The following ITGB4 variants were observed in gnomAD, a reference collection of about 807,000 sequenced individuals.
The protein encoded by ITGB4 is integrin beta-4.
ITGB4 carries 159 observed loss-of-function variants against 207.6 expected under a neutral mutation model. The ratio of observed to expected loss-of-function variants is 0.77; its 90% confidence interval spans 0.67 to 0.87. The LOEUF (loss-of-function observed/expected upper bound fraction) is 0.87. ITGB4 is among the 40% of genes least tolerant of loss of function. The pLI, the probability that ITGB4 is intolerant of heterozygous loss-of-function variation, is 0.00. For missense variants in ITGB4, 2,278 were observed against 2,546.8 expected, an observed-to-expected ratio of 0.89 and a Z score of 2.27; for synonymous variants, 1,020 against 1,062.7, an observed-to-expected ratio of 0.96 and a Z score of 0.78.
At position 75,729,485 on chromosome 17, in the gene ITGB4, C is replaced by T. The variant is rs761827608; in HGVS notation, c.738+49C>T. ...CAGCCTAGGCCAGGGGTGAGCACTT[C>T]TGGGCAAGGGCCTGAGCTGCCCCCT... On this transcript the variant is annotated intron_variant, in intron 7 of 39. Transcript: ENST00000200181. This position sits in a 1 kb window ranked among gnomAD's most constrained non-coding sequence, Gnocchi z 4.4. 6 of 1,592,408 alleles carry T rather than the reference C, an allele frequency of 3.8e-6. No homozygotes were observed. In the South Asian group the frequency reaches 4.5e-5, roughly 12 times the overall value.
rs1463125335 is a variant in ITGB4 at position 75,732,987 on chromosome 17, C to T, written c.1455-503C>T. 6.6e-6 allele frequency among the ~76,000 whole-genome samples: 1 copy of T among 152,080 alleles called. No individual in the cohort carries two copies. The highest frequency in any genetic ancestry group is 2.4e-5 in the African/African-American group (1 of 41,398). ...CCTGTAATCCCAGCTACTCGGGAGG[C>T]TGAGGCAGAATTGCTTGCACCTAGA... On this transcript the variant is annotated intron_variant, in intron 12 of 39. Coordinates refer to ENST00000200181, the MANE Select transcript of ITGB4 (RefSeq NM_000213.5). This position sits in a 1 kb window ranked among gnomAD's most constrained non-coding sequence, Gnocchi z 5.3.
chr17:75,750,744 C>T lies in ITGB4; in HGVS notation c.3539C>T (p.Ser1180Leu), dbSNP rs772115625. The T allele has an allele frequency of 3.7e-6, 6 of 1,613,444 alleles. No homozygotes were observed. Among genetic ancestry groups the T allele is most frequent in the Non-Finnish European group, 4.2e-6 (5 of 1,180,012 alleles). Reference sequence around the variant, plus strand: ...CACCTGCTCGACAGCAAGGTGCCCTCAGTGGAGCTCACCAACCTGTACCCG... The same window carrying T: ...CACCTGCTCGACAGCAAGGTGCCCTTAGTGGAGCTCACCAACCTGTACCCG... ...EAHLLDSKVPSVELTNLYPYC... is the reference protein window; with the variant it reads ...EAHLLDSKVPLVELTNLYPYC... The change falls in exon 29 of 40, where the codon TCA becomes TTA. Residue 1180 changes from serine to leucine, a missense_variant. Physicochemically the swap from Ser to Leu is moderately radical, Grantham distance 145. Coordinates refer to ENST00000200181, the MANE Select transcript of ITGB4 (RefSeq NM_000213.5). This position sits in a 1 kb window ranked among gnomAD's most constrained non-coding sequence, Gnocchi z 5.5.
In ITGB4 at chr17:75,757,369, G is replaced by A. The variant is rs772185592; in HGVS notation, c.5330-47G>A. ...CTGGGACAGGGAGCTAGCAGAGGGA[G>A]AAGGGCAGACCCCAAGCCAGGTCAT... On this transcript the variant is annotated intron_variant, in intron 39 of 39. Coordinates refer to ENST00000200181, the MANE Select transcript of ITGB4 (RefSeq NM_000213.5). 8.4e-5 allele frequency: 135 copies of A among 1,612,798 alleles called. No individual in the cohort carries two copies. In the Admixed American group the frequency reaches 2.2e-3, roughly 27 times the overall value.
rs766003835 is a variant in ITGB4, at chr17:75,757,421, C to T, written c.5335C>T (p.Leu1779=). 1 of 1,613,180 alleles carries T rather than the reference C, an allele frequency of 6.2e-7. No individual in the cohort carries two copies. Among genetic ancestry groups the T allele is most frequent in the South Asian group, 1.1e-5 (1 of 91,086 alleles). Residue 1779 remains leucine (L), a synonymous_variant, in exon 40 of 40, where the codon CTG becomes TTG. Coordinates refer to ENST00000200181, the MANE Select transcript of ITGB4 (RefSeq NM_000213.5). ...SATEPFLVDG[L]TLGAQHLEAG... ...TAATGCCTCCTCCTCCACAGATGGG[C>T]TGACCCTGGGGGCCCAGCACCTGGA...
chr17:75,747,164 A>G (rs2061250784), intron 26 of ITGB4, among the ~76,000 whole-genome samples: 1 of 152,086 alleles, frequency 6.6e-6, no homozygotes, highest in South Asian at 2.1e-4. Context: ...CTTCACATTG[A>G]TTATACTAGT....
In ITGB4 at chr17:75,733,622, C is replaced by G. The variant is rs2060911708; in HGVS notation, c.1587C>G (p.Gly529=). 1 of 1,614,152 alleles carries G rather than the reference C, an allele frequency of 6.2e-7. No homozygotes were observed. The highest frequency in any genetic ancestry group is 2.2e-5 in the East Asian group (1 of 44,892). ...GGCACTGTGTGTGCTACGGCGAAGG[C>G]CGCTACGAGGGTCAGTTCTGCGAGT... The part of the protein sequence containing the change: ...QCGHCVCYGE[G]RYEGQFCEYD... The change falls in exon 13 of 40, where the codon GGC becomes GGG. Residue 529 remains glycine, a synonymous_variant. Coordinates refer to ENST00000200181, the MANE Select transcript of ITGB4 (RefSeq NM_000213.5).
At chr17:75,734,742 G>C (rs909174272) in intron 13 of ITGB4, among the ~76,000 whole-genome samples, 14 of 152,184 alleles carry the variant, frequency 9.2e-5, no homozygotes, top group Non-Finnish European at 2.1e-4. Flanking sequence ...GTCTGTCCCT[G>C]AGTGTGCTCA....
In ITGB4 at chr17:75,730,900, C is replaced by T. The variant is rs1202091456; in HGVS notation, c.1028C>T (p.Ser343Phe). The T allele has an allele frequency of 6.2e-7, 1 of 1,613,682 alleles. No individual in the cohort carries two copies. Among genetic ancestry groups the T allele is most frequent in the East Asian group, 2.2e-5 (1 of 44,896 alleles). Residue 343 changes from serine (S) to phenylalanine (F), a missense_variant, in exon 9 of 40, where the codon TCC (serine) becomes TTC (phenylalanine). Physicochemically the swap from Ser to Phe is radical, Grantham distance 155. Coordinates refer to ENST00000200181, the MANE Select transcript of ITGB4 (RefSeq NM_000213.5). ...AAGCTTCACACCTATTTCCCTGTCT[C>T]CTCACTGGGGGTGCTGCAGGAGGAC... ...YEKLHTYFPV[S>F]SLGVLQEDSS...
At chr17:75,725,550 G>C (rs2060701589) in intron 2 of ITGB4, among the ~76,000 whole-genome samples, 1 of 152,140 alleles carries the variant, frequency 6.6e-6, no homozygotes, top group African/African-American at 2.4e-5. Flanking sequence ...CTGAGCTTAA[G>C]CAATCTTCCT....
At chr17:75,738,767 C>T (rs79520910) in intron 18 of ITGB4, among the ~76,000 whole-genome samples, 1 of 152,316 alleles carries the variant, frequency 6.6e-6, no homozygotes, top group East Asian at 1.9e-4. Flanking sequence ...CGTAGTAACC[C>T]CCAGTGTTGT....
chr17:75,726,304 T>C (rs2060715367), intron 2 of ITGB4, among the ~76,000 whole-genome samples: 1 of 151,960 alleles, frequency 6.6e-6, no homozygotes. Context: ...AAATAAAAAA[T>C]TAGCTGGGCT....
chr17:75,740,469 C>A lies in ITGB4; in HGVS notation c.2550+8C>A. On this transcript the variant is annotated splice_region_variant and intron_variant, in intron 21 of 39. Transcript: ENST00000200181. The surrounding 1 kb of genome is among the most constrained non-coding windows in gnomAD (Gnocchi z 5.9). The stretch of plus-strand genomic sequence containing the variant: ...CAGGAGGTGGAGGAGAACGTAAGGA[C>A]CCAGGAACTAGGCCTGGCCGGAGAT... 3 of 1,610,432 alleles carry A rather than the reference C, an allele frequency of 1.9e-6. No individual in the cohort carries two copies. The highest frequency in any genetic ancestry group is 2.5e-6 in the Non-Finnish European group (3 of 1,177,300).
intron 18 of ITGB4, among the ~76,000 whole-genome samples, chr17:75,738,886 G>A (rs1267008836): frequency 6.6e-6 from 1 of 152,176 alleles, no homozygotes; most frequent in Non-Finnish European, 1.5e-5. Context: ...GCTGAGGCAG[G>A]AGGATCACGA....
chr17:75,740,062 A>T lies in ITGB4; in HGVS notation c.2437A>T (p.Thr813Ser). The change falls in exon 20 of 40, where the codon ACA becomes TCA. Residue 813 changes from threonine (T) to serine (S), a missense_variant. Thr to Ser is a moderately conservative substitution (Grantham distance 58, BLOSUM62 1). Transcript: ENST00000200181. The surrounding 1 kb of genome is among the most constrained non-coding windows in gnomAD (Gnocchi z 5.9). ...FATHAASINP[T>S]ELVPYGLSLR... ...CACTCATGCCGCCAGCATCAACCCC[A>T]CAGAGCTGGGTGAGGGCGGGGCTGG... 6.2e-7 allele frequency: 1 copy of T among 1,611,976 alleles called. No individual in the cohort carries two copies. Among genetic ancestry groups the T allele is most frequent in the East Asian group, 2.2e-5 (1 of 44,862 alleles).
Position 75,750,671 on chromosome 17 carries a change from TG to T in ITGB4, c.3475-4del, listed in dbSNP as rs754596808. ...CCCTGCTGACCAGGACCCCTGTCCC[TG>T]GGGGTAGGTAAAGTACTGGATTCAG... On this transcript the variant is annotated splice_polypyrimidine_tract_variant and splice_region_variant and intron_variant, in intron 28 of 39. Transcript: ENST00000200181. This position sits in a 1 kb window ranked among gnomAD's most constrained non-coding sequence, Gnocchi z 5.5. The T allele has an allele frequency of 2.5e-6, 4 of 1,612,656 alleles. No homozygotes were observed. Among genetic ancestry groups the T allele is most frequent in the Non-Finnish European group, 2.5e-6 (3 of 1,179,816 alleles).
At position 75,728,357 on chromosome 17, in the gene ITGB4, T is replaced by A. The variant is rs1266278614; in HGVS notation, c.470-20T>A. 4.3e-6 allele frequency: 7 copies of A among 1,611,546 alleles called. No homozygotes were observed. The highest frequency in any genetic ancestry group is 5.9e-6 in the Non-Finnish European group (7 of 1,177,640). ...GGCATCAGGGCTCAGCTATCCCCTC[T>A]CTGTCCTTTTGACATCCAGCTCGGG... On this transcript the variant is annotated intron_variant, in intron 5 of 39. Coordinates refer to ENST00000200181, the MANE Select transcript of ITGB4 (RefSeq NM_000213.5).
At position 75,727,146 on chromosome 17, in the gene ITGB4, G is replaced by A. The variant is rs1197797536; in HGVS notation, c.80-49G>A. On this transcript the variant is annotated intron_variant, in intron 2 of 39. Coordinates refer to ENST00000200181, the MANE Select transcript of ITGB4 (RefSeq NM_000213.5). This position sits in a 1 kb window ranked among gnomAD's most constrained non-coding sequence, Gnocchi z 6.0. Reference sequence around the variant, plus strand: ...TGAAGGTGCAGGTGGGAAAGTGCTTGCCTTTGCTGAGCGCCTCCCCATTCA... The same window carrying A: ...TGAAGGTGCAGGTGGGAAAGTGCTTACCTTTGCTGAGCGCCTCCCCATTCA... The A allele has an allele frequency of 6.6e-7, 1 of 1,513,086 alleles. No individual in the cohort carries two copies. Among genetic ancestry groups the A allele is most frequent in the Non-Finnish European group, 9.2e-7 (1 of 1,091,920 alleles). 93.7% of individuals were successfully genotyped at this position (1,513,086 alleles called of 1,614,324 possible). A position where few individuals can be genotyped will look rare whatever the true frequency, so the allele number is the denominator to read the frequency against.
chr17:75,729,453 G>A lies in ITGB4; in HGVS notation c.738+17G>A, dbSNP rs771906597. The A allele has an allele frequency of 6.2e-7, 1 of 1,612,706 alleles. No individual in the cohort carries two copies. The highest frequency in any genetic ancestry group is 1.7e-5 in the Admixed American group (1 of 59,968). ...GTGTGCACGGTGGGCACTGGGAAGG[G>A]TGCTGCCAGCCTAGGCCAGGGGTGA... On this transcript the variant is annotated intron_variant, in intron 7 of 39. Transcript: ENST00000200181. The surrounding 1 kb of genome is among the most constrained non-coding windows in gnomAD (Gnocchi z 4.4).
chr17:75,751,607 G>A, intron 30 of ITGB4: 1 of 230,646 alleles, frequency 4.3e-6, no homozygotes, highest in South Asian at 5.8e-5. Context: ...CAGGCATGGT[G>A]GCTCATGCCT....
Sources: allele counts gnomAD v4.1 joint callset (sites outside exome capture counted in the v4.1 genomes callset), GRCh38; gene constraint gnomAD v4.1.1; non-coding constraint Gnocchi (gnomAD v3.1); transcripts MANE v1.5; gene names NCBI Gene and HGNC (gene_info 2026-07-23, HGNC 2026-07-21).